Variants in TMEM266 observed in about 807,000 individuals in gnomAD.
TMEM266 encodes the protein transmembrane protein 266, also known as Hv1 related protein 1.
In TMEM266, 33 loss-of-function variants were observed where a neutral mutation model predicts 50.5. The ratio of observed to expected loss-of-function variants is 0.65; its 90% CI spans 0.50 to 0.87. The LOEUF (loss-of-function observed/expected upper bound fraction) is 0.87. TMEM266 is among the 40% of genes least tolerant of loss of function. The pLI, the probability that TMEM266 is intolerant of heterozygous loss-of-function variation, is 0.00. For missense variants in TMEM266, 655 were observed against 695.1 expected (o/e 0.94, Z 0.65); for synonymous variants, 310 against 292.3 (o/e 1.06, Z -0.62).
At chr15:76,126,294 A>C (rs965085230) in intron 1 of TMEM266, among the ~76,000 whole-genome samples, 1 of 151,016 alleles carries the variant, frequency 6.6e-6, no homozygotes, top group Non-Finnish European at 1.5e-5. Flanking sequence ...CACTATTCAC[A>C]ATGTCCAAGA....
chr15:76,132,467 G>A (rs1362594129), intron 1 of TMEM266, among the ~76,000 whole-genome samples: 1 of 152,038 alleles, frequency 6.6e-6, no homozygotes, highest in Non-Finnish European at 1.5e-5. Context: ...ATATACTCAG[G>A]TTCAACAGAC....
intron 1 of TMEM266, among the ~76,000 whole-genome samples, chr15:76,091,238 A>G (rs562992957): frequency 2.0e-4 from 31 of 152,312 alleles, no homozygotes; most frequent in Admixed American, 1.5e-3. Flanking sequence ...AGATTTTTCT[A>G]TATAATTTTA....
At chr15:76,081,219 C>G (rs893105437) in intron 1 of TMEM266, among the ~76,000 whole-genome samples, 1 of 152,226 alleles carries the variant, frequency 6.6e-6, no homozygotes, top group Non-Finnish European at 1.5e-5. Context: ...TTACTTTTCT[C>G]CCATGCTATT....
intron 1 of TMEM266, among the ~76,000 whole-genome samples, chr15:76,133,258 A>G (rs2405417): frequency 0.22 from 33,291 of 151,834 alleles, 5,155 homozygotes; most frequent in African/African-American, 0.43. Flanking sequence ...ACATGGAGAA[A>G]CCCCGTCTCT....
chr15:76,107,000 C>T (rs1329796591), intron 1 of TMEM266, among the ~76,000 whole-genome samples: 2 of 152,152 alleles, frequency 1.3e-5, no homozygotes, highest in Non-Finnish European at 2.9e-5. Context: ...CCCAACCACA[C>T]GTAAACTCAC....
intron 3 of TMEM266, among the ~76,000 whole-genome samples, chr15:76,142,037 A>G (rs1260272626): frequency 6.6e-6 from 1 of 152,304 alleles, no homozygotes; most frequent in South Asian, 2.1e-4. Flanking sequence ...ATGCGTCCAT[A>G]TTTTAGCTAC....
chr15:76,136,412 A>G (rs1330771919), intron 2 of TMEM266, among the ~76,000 whole-genome samples: 2 of 152,138 alleles, frequency 1.3e-5, no homozygotes, highest in African/African-American at 2.4e-5. Context: ...GGAATATTCT[A>G]TTTTACCTCC....
Position 76,145,200 on chromosome 15 carries a change from T to C in TMEM266, c.227+7305T>C, listed in dbSNP as rs142595062. Among the ~76,000 whole-genome samples, 23 of 152,306 alleles carry C rather than the reference T, an allele frequency of 1.5e-4. No individual in the cohort carries two copies. The East Asian group carries it at 3.5e-3, about 23-fold the overall frequency. On this transcript the variant is annotated intron_variant, in intron 3 of 10. Coordinates refer to ENST00000388942, the MANE Select transcript of TMEM266 (RefSeq NM_152335.3). ...TCCTGATGTTGTAAACTTCATCCCA[T>C]GGCTTCTGAGAGCCATGTGACCCCT...
chr15:76,144,486 T>C (rs868744638), intron 3 of TMEM266, among the ~76,000 whole-genome samples: 6 of 152,144 alleles, frequency 3.9e-5, no homozygotes, highest in African/African-American at 1.4e-4. Flanking sequence ...GTCAAGGGGC[T>C]TCAGAAACCC....
intron 1 of TMEM266, among the ~76,000 whole-genome samples, chr15:76,068,230 C>G (rs769653003): frequency 2.0e-4 from 30 of 152,170 alleles, no homozygotes; most frequent in Non-Finnish European, 4.1e-4. Context: ...TTGGGAGAGA[C>G]CTGATTTGGC....
intron 1 of TMEM266, among the ~76,000 whole-genome samples, chr15:76,061,941 C>T (rs1455511692): frequency 6.6e-6 from 1 of 152,202 alleles, no homozygotes; most frequent in African/African-American, 2.4e-5. Context: ...CCAGCCGTGG[C>T]TCGTAATCCA....
chr15:76,151,835 G>T (rs567223804), intron 3 of TMEM266, among the ~76,000 whole-genome samples: 1 of 152,150 alleles, frequency 6.6e-6, no homozygotes, highest in South Asian at 2.1e-4. Flanking sequence ...CCTAACAAGC[G>T]CCAGGTGATG....
At chr15:76,155,797 A>G (rs1482012876) in intron 3 of TMEM266, among the ~76,000 whole-genome samples, 2 of 152,176 alleles carry the variant, frequency 1.3e-5, no homozygotes, top group East Asian at 1.9e-4. Context: ...AAAAACAGCA[A>G]TCTGGTTCAA....
chr15:76,131,641 A>G (rs2037511236), intron 1 of TMEM266, among the ~76,000 whole-genome samples: 1 of 152,232 alleles, frequency 6.6e-6, no homozygotes, highest in Non-Finnish European at 1.5e-5. Context: ...ATGAAATCCC[A>G]AATACTATAG....
rs774429685 is a variant in TMEM266, at chr15:76,203,781, G to T, written c.1062G>T (p.Thr354=). 2 of 1,614,120 alleles carry T rather than the reference G, an allele frequency of 1.2e-6. No homozygotes were observed. Among genetic ancestry groups the T allele is most frequent in the Admixed American group, 1.7e-5 (1 of 60,022 alleles). Residue 354 remains threonine, a synonymous_variant, in exon 11 of 11, where the codon ACG becomes ACT. Transcript: ENST00000388942. ...AGCCAGCTGTGTGTATGGTCACCAC[G>T]GCCGCAATAGACATTCACCAGCCCA...
intron 2 of TMEM266, among the ~76,000 whole-genome samples, chr15:76,136,107 C>T (rs575339917): frequency 2.6e-5 from 4 of 152,308 alleles, no homozygotes; most frequent in South Asian, 4.1e-4. Context: ...CCACATCCGG[C>T]TAATTTTGTG....
chr15:76,105,865 C>T (rs2201830), intron 1 of TMEM266, among the ~76,000 whole-genome samples: 109,980 of 151,706 alleles, frequency 0.72, 40,387 homozygotes, highest in Admixed American at 0.82. Flanking sequence ...GTGTTCCCTC[C>T]TATATACAGG....
At chr15:76,154,412 C>T (rs2037891344) in intron 3 of TMEM266, among the ~76,000 whole-genome samples, 1 of 152,148 alleles carries the variant, frequency 6.6e-6, no homozygotes, top group South Asian at 2.1e-4. Flanking sequence ...TGTGGTTCTG[C>T]AATGGACTTC....
chr15:76,068,265 T>C (rs149080807), intron 1 of TMEM266, among the ~76,000 whole-genome samples: 2 of 152,342 alleles, frequency 1.3e-5, no homozygotes, highest in East Asian at 3.9e-4. Flanking sequence ...GGCTTGTTAA[T>C]TGCCCTAGGG....
Sources: allele counts gnomAD v4.1 joint callset (sites outside exome capture counted in the v4.1 genomes callset), GRCh38; gene constraint gnomAD v4.1.1; transcripts MANE v1.5; gene names NCBI Gene and HGNC (gene_info 2026-07-23, HGNC 2026-07-21).